The following NT5DC1 variants were observed in gnomAD, a reference collection of about 807,000 sequenced individuals.
NT5DC1 encodes 5'-nucleotidase domain containing 1.
NT5DC1 carries 42 observed loss-of-function variants against 59.4 expected under a neutral mutation model. That is an observed-to-expected ratio of 0.71 (90% CI 0.55 to 0.92). The LOEUF (loss-of-function observed/expected upper bound fraction) is 0.92, where lower values mean the gene tolerates loss of function less well. NT5DC1 is among the 40% of genes least tolerant of loss of function. The pLI is 0.00. For synonymous variants in NT5DC1, 172 were observed against 188.1 expected (o/e 0.91, Z 0.70); for missense variants, 501 against 537.1 (o/e 0.93, Z 0.66).
intron 6 of NT5DC1, among the ~76,000 whole-genome samples, chr6:116,176,638 A>G (rs1039814388): frequency 6.6e-6 from 1 of 152,168 alleles, no homozygotes; most frequent in Middle Eastern, 3.2e-3. Context: ...TGTGCCCATA[A>G]TAGAGTTTTT....
At chr6:116,111,621 A>G (rs891262242) in intron 4 of NT5DC1, among the ~76,000 whole-genome samples, 1 of 152,214 alleles carries the variant, frequency 6.6e-6, no homozygotes, top group South Asian at 2.1e-4. Context: ...CTCCCACACT[A>G]CAGTATTGAA....
intron 6 of NT5DC1, among the ~76,000 whole-genome samples, chr6:116,208,108 C>T (rs76786543): frequency 6.6e-6 from 1 of 151,908 alleles, no homozygotes; most frequent in Non-Finnish European, 1.5e-5. Context: ...TAGTTAATGA[C>T]CCCTAATATC....
chr6:116,246,468 T>TACACAAAC lies in NT5DC1; in HGVS notation c.*2449_*2450insAACACACA, dbSNP rs1771850762. Reference sequence around the variant, plus strand: ...ATTCATATCCAAAAATAACTTTAAATACACACACACACACACACACACACA... The same window carrying TACACAAAC: ...ATTCATATCCAAAAATAACTTTAAATACACAAACACACACACACACACACACACACACA... On this transcript the variant is annotated 3_prime_UTR_variant, in exon 12 of 12. Coordinates refer to ENST00000319550, the MANE Select transcript of NT5DC1 (RefSeq NM_152729.3). 6.7e-6 allele frequency: 1 copy of TACACAAAC among 149,450 alleles called. No homozygotes were observed. The highest frequency in any genetic ancestry group is 2.1e-4 in the South Asian group (1 of 4,730). 9.3% of individuals were successfully genotyped at this position (149,450 alleles called of 1,614,324 possible).
At chr6:116,228,791 C>G (rs1470952584) in intron 8 of NT5DC1, among the ~76,000 whole-genome samples, 1 of 152,138 alleles carries the variant, frequency 6.6e-6, no homozygotes, top group Non-Finnish European at 1.5e-5. Context: ...GATTCTGATT[C>G]GTCAGCTACC....
chr6:116,151,948 A>G (rs1308156773), intron 6 of NT5DC1, among the ~76,000 whole-genome samples: 1 of 152,194 alleles, frequency 6.6e-6, no homozygotes, highest in South Asian at 2.1e-4. Context: ...TTATTTGGGG[A>G]GTATTGATGC....
intron 1 of NT5DC1, among the ~76,000 whole-genome samples, chr6:116,103,874 A>G (rs928131156): frequency 6.6e-6 from 1 of 152,142 alleles, no homozygotes; most frequent in African/African-American, 2.4e-5. Flanking sequence ...TGGGGTCCCA[A>G]ATATTGCATG....
chr6:116,159,793 T>C (rs1455681092), intron 6 of NT5DC1, among the ~76,000 whole-genome samples: 1 of 152,200 alleles, frequency 6.6e-6, no homozygotes, highest in Non-Finnish European at 1.5e-5. Flanking sequence ...CCCCACCTTT[T>C]GGAGTCCCCA....
chr6:116,115,492 T>G (rs1166078482), intron 4 of NT5DC1, among the ~76,000 whole-genome samples, 199 bp from the exon 5 acceptor site: 1 of 152,262 alleles, frequency 6.6e-6, no homozygotes, highest in Non-Finnish European at 1.5e-5. Context: ...ATATCATCTT[T>G]TAACTTTCTT....
At chr6:116,174,517 G>A (rs1780689458) in intron 6 of NT5DC1, among the ~76,000 whole-genome samples, 1 of 152,150 alleles carries the variant, frequency 6.6e-6, no homozygotes. Context: ...ATAAAATTTA[G>A]AGTGCCAATG....
At chr6:116,110,797 A>T (rs530747402) in intron 3 of NT5DC1, 53 bp from the exon 4 acceptor site, 1 of 1,191,814 alleles carries the variant, frequency 8.4e-7, no homozygotes. Context: ...TGATAGAGGA[A>T]GGGGCATTCA....
intron 6 of NT5DC1, among the ~76,000 whole-genome samples, chr6:116,172,822 C>T (rs1229421524): frequency 6.6e-6 from 1 of 151,982 alleles, no homozygotes; most frequent in Non-Finnish European, 1.5e-5. Flanking sequence ...TGAAATTTGA[C>T]CTTTAGGAAA....
chr6:116,113,314 C>G (rs78692552), intron 4 of NT5DC1, among the ~76,000 whole-genome samples: 2 of 152,190 alleles, frequency 1.3e-5, no homozygotes, highest in African/African-American at 2.4e-5. Context: ...TCCCCTCAGT[C>G]CTTCATTTGC....
intron 2 of NT5DC1, 89 bp downstream of exon 2, chr6:116,106,424 A>T: frequency 1.5e-6 from 1 of 672,082 alleles, no homozygotes; most frequent in Admixed American, 2.8e-5. Flanking sequence ...TTTCTCTTCT[A>T]AGAAGATGGA....
Position 116,219,409 on chromosome 6 carries a change from G to T in NT5DC1, c.530-1645G>T, listed in dbSNP as rs532102774. On this transcript the variant is annotated intron_variant, in intron 6 of 11. Transcript: ENST00000319550. Reference sequence around the variant, plus strand: ...GGATCCTGCAGCAAAGTTCTCCTCAGGTCTCATTTGCCATGCCTGGGTCCC... The same window carrying T: ...GGATCCTGCAGCAAAGTTCTCCTCATGTCTCATTTGCCATGCCTGGGTCCC... Among the ~76,000 whole-genome samples, 7 of 152,198 alleles carry T rather than the reference G, an allele frequency of 4.6e-5. No homozygotes were observed. The South Asian group carries it at 6.2e-4, about 14-fold the overall frequency.
chr6:116,152,179 T>C (rs1780059429), intron 6 of NT5DC1, among the ~76,000 whole-genome samples: 1 of 152,200 alleles, frequency 6.6e-6, no homozygotes, highest in Admixed American at 6.5e-5. Flanking sequence ...GGTTGACTTC[T>C]TAAACTAGTT....
At chr6:116,163,132 A>AT (rs1780376992) in intron 6 of NT5DC1, among the ~76,000 whole-genome samples, 1 of 114,994 alleles carries the variant, frequency 8.7e-6, no homozygotes, top group Admixed American at 8.6e-5. Context: ...GTCTCAAAAA[A>AT]AAAAAAAAAA....
At position 116,177,067 on chromosome 6, in the gene NT5DC1, A is replaced by G. The variant is rs562259276; in HGVS notation, c.530-43987A>G. Among the ~76,000 whole-genome samples the G allele has an allele frequency of 4.6e-5, 7 of 152,356 alleles. No individual in the cohort carries two copies. The South Asian group carries it at 1.2e-3, about 27-fold the overall frequency. Reference sequence around the variant, plus strand: ...ACTAAAATCTGAAGTTTTGATTTATAGTATAGTTTCTGTTATAATATGTGG... The same window carrying G: ...ACTAAAATCTGAAGTTTTGATTTATGGTATAGTTTCTGTTATAATATGTGG... On this transcript the variant is annotated intron_variant, in intron 6 of 11. Coordinates refer to ENST00000319550, the MANE Select transcript of NT5DC1 (RefSeq NM_152729.3).
chr6:116,187,207 T>C lies in NT5DC1; in HGVS notation c.530-33847T>C, dbSNP rs191447335. Among the ~76,000 whole-genome samples, 283 of 152,198 alleles carry C rather than the reference T, an allele frequency of 1.9e-3. 1 individual carries two copies. The highest frequency in any genetic ancestry group is 6.5e-3 in the African/African-American group (271 of 41,552). On this transcript the variant is annotated intron_variant, in intron 6 of 11. Transcript: ENST00000319550. ...GAAGTGTCTGCACAGAGTCCTGTGA[T>C]GTGATCTGTATTCAGGTCTCTTAGC... is the stretch of plus-strand genomic sequence containing the variant.
At chr6:116,120,198 C>T (rs1779069206) in intron 6 of NT5DC1, 1 of 1,614,144 alleles carries the variant, frequency 6.2e-7, no homozygotes, top group Non-Finnish European at 8.5e-7. Context: ...TCGATGATGG[C>T]ACTCCCTGAA....
Sources: gnomAD v4.1 joint callset for allele counts (sites outside exome capture counted in the v4.1 genomes callset) on GRCh38, gnomAD v4.1.1 for gene constraint, MANE v1.5 for transcripts, NCBI Gene and HGNC (gene_info 2026-07-23, HGNC 2026-07-21) for gene names.